Variants in SBSPON observed in about 807,000 individuals in gnomAD.
SBSPON encodes somatomedin B and thrombospondin type 1 domain containing, also known as somatomedin-B and thrombospondin type-1 domain-containing protein.
In SBSPON, 30 loss-of-function variants were observed where a neutral mutation model predicts 35.8. That is an observed-to-expected ratio of 0.84 (90% CI 0.63 to 1.14). The LOEUF is 1.14. Ranked by LOEUF, SBSPON falls within the 50% of genes most tolerant of loss-of-function variation. The pLI, the probability that SBSPON is intolerant of heterozygous loss-of-function variation, is 0.00. For missense variants in SBSPON, 364 were observed against 357.7 expected, an observed-to-expected ratio of 1.02 and a Z score of -0.14; for synonymous variants, 136 against 135.9, an observed-to-expected ratio of 1.00 and a Z score of 0.00.
intron 2 of SBSPON, among the ~76,000 whole-genome samples, chr8:73,080,599 G>A (rs1029304357): frequency 9.8e-5 from 15 of 152,288 alleles, no homozygotes; most frequent in African/African-American, 1.7e-4. Flanking sequence ...ATGCGTGAGT[G>A]TGCATAATGA....
intron 1 of SBSPON, among the ~76,000 whole-genome samples, chr8:73,086,504 T>C (rs558569008): frequency 6.6e-6 from 1 of 152,292 alleles, no homozygotes; most frequent in South Asian, 2.1e-4. Context: ...CCTCTTTCCG[T>C]AGAACCTTGT....
At position 73,081,192 on chromosome 8, in the gene SBSPON, T is replaced by A. The variant is rs1192578054; in HGVS notation, c.236A>T (p.Glu79Val). Reference protein sequence around the residue: ...ACPARPCFVGEWSPWSGCADQ... With the variant: ...ACPARPCFVGVWSPWSGCADQ... ...TGCACAACCACTCCAGGGGCTCCAT[T>A]CCCCCACGAAGCACGGGCGAGCTGA... Residue 79 changes from glutamate (E) to valine (V), a missense_variant, in exon 2 of 5, where the codon GAA becomes GTA. Coordinates refer to ENST00000297354, the MANE Select transcript of SBSPON (RefSeq NM_153225.4). 2 of 1,587,728 alleles carry A rather than the reference T, an allele frequency of 1.3e-6. No homozygotes were observed. The highest frequency in any genetic ancestry group is 4.6e-5 in the East Asian group (2 of 43,582).
intron 1 of SBSPON, chr8:73,083,730 T>A (rs769851520): frequency 2.0e-5 from 3 of 152,228 alleles, no homozygotes; most frequent in Admixed American, 1.3e-4. Context: ...CACCAGCTGT[T>A]AATGGAGCCG....
intron 1 of SBSPON, among the ~76,000 whole-genome samples, chr8:73,083,054 G>C (rs1810745589): frequency 6.6e-6 from 1 of 152,166 alleles, no homozygotes; most frequent in South Asian, 2.1e-4. Context: ...GATGACACTG[G>C]GGAGGGTTTT....
intron 1 of SBSPON, among the ~76,000 whole-genome samples, chr8:73,086,451 C>T (rs186399388): frequency 2.6e-5 from 4 of 152,252 alleles, no homozygotes; most frequent in Admixed American, 1.3e-4. Flanking sequence ...CATGAGCCAC[C>T]GTGCCCGGCC....
chr8:73,067,610 T>TATATATATATATAG (rs1412398585), intron 4 of SBSPON, 152 bp from the exon 5 acceptor site: 3 of 28,950 alleles, frequency 1.0e-4, no homozygotes, highest in East Asian at 2.3e-4. Flanking sequence ...TATATATAGT[T>TATATATATATATAG]TTTTTTTTTT....
chr8:73,080,455 C>T (rs1810674731), intron 2 of SBSPON, among the ~76,000 whole-genome samples: 1 of 152,128 alleles, frequency 6.6e-6, no homozygotes, highest in African/African-American at 2.4e-5. Context: ...GCAGAGCTTG[C>T]AGTGAGCCGA....
chr8:73,084,060 A>G (rs183462959), intron 1 of SBSPON, among the ~76,000 whole-genome samples: 2 of 152,374 alleles, frequency 1.3e-5, no homozygotes, highest in Admixed American at 1.3e-4. Context: ...GACAGAAGAG[A>G]GCACAGACAG....
At chr8:73,092,085 A>C (rs1416210538) in intron 1 of SBSPON, among the ~76,000 whole-genome samples, 1 of 152,224 alleles carries the variant, frequency 6.6e-6, no homozygotes, top group East Asian at 1.9e-4. Flanking sequence ...AATTCAATTA[A>C]ACCAGCTTTT....
intron 2 of SBSPON, among the ~76,000 whole-genome samples, chr8:73,075,906 T>A (rs1810585951): frequency 6.6e-6 from 1 of 152,198 alleles, no homozygotes; most frequent in Admixed American, 6.5e-5. Flanking sequence ...CTTTTTAAAT[T>A]TGTTTTTATA....
At position 73,066,168 on chromosome 8, in the gene SBSPON, TCTAAA is replaced by T. The variant is rs1432809745; in HGVS notation, c.*1168_*1172del. On this transcript the variant is annotated 3_prime_UTR_variant, in exon 5 of 5. Transcript: ENST00000297354. ...TAGTTTACATCTCAAGACTCAATTC[TCTAAA>T]CTAAATATCTTGAATTTAAAATTTA... is the stretch of plus-strand genomic sequence containing the variant. 6.6e-6 allele frequency: 1 copy of T among 152,168 alleles called. No individual in the cohort carries two copies. Among genetic ancestry groups the T allele is most frequent in the Non-Finnish European group, 1.5e-5 (1 of 68,028 alleles). The allele number at this position is 152,168 out of a possible 1,614,324, so 9.4% of individuals were successfully genotyped here.
chr8:73,079,582 T>C (rs186640248), intron 2 of SBSPON, among the ~76,000 whole-genome samples: 1 of 147,866 alleles, frequency 6.8e-6, no homozygotes, highest in South Asian at 2.1e-4. Flanking sequence ...CAGCCCCACA[T>C]ACCTCAGCCC....
At chr8:73,067,535 G>A (rs1190098828) in intron 4 of SBSPON, 77 bp from the exon 5 acceptor site, 25 of 854,196 alleles carry the variant, frequency 2.9e-5, no homozygotes, top group African/African-American at 2.0e-4. Flanking sequence ...ATTAAAACTC[G>A]GAGTTAAAAA....
intron 2 of SBSPON, among the ~76,000 whole-genome samples, chr8:73,079,090 C>T (rs975095422): frequency 3.9e-5 from 6 of 152,176 alleles, no homozygotes; most frequent in African/African-American, 1.4e-4. Flanking sequence ...ATTTTTTATA[C>T]ATGCAACTGT....
At chr8:73,079,815 C>G (rs773094083) in intron 2 of SBSPON, among the ~76,000 whole-genome samples, 4 of 152,184 alleles carry the variant, frequency 2.6e-5, no homozygotes, top group African/African-American at 4.8e-5. Flanking sequence ...ATCTACCTGA[C>G]AGCAGGCTCC....
intron 2 of SBSPON, among the ~76,000 whole-genome samples, chr8:73,076,491 A>G (rs1020203601): frequency 7.2e-5 from 11 of 152,068 alleles, no homozygotes; most frequent in African/African-American, 2.7e-4. Flanking sequence ...TACTAAAAAT[A>G]CAAAAATTAG....
intron 3 of SBSPON, 104 bp downstream of exon 3, chr8:73,071,676 C>G: frequency 1.5e-6 from 1 of 677,670 alleles, no homozygotes; most frequent in Non-Finnish European, 2.5e-6. Context: ...AGTCAAAGAG[C>G]AAGTAGAAAG....
chr8:73,081,119 C>G lies in SBSPON; in HGVS notation c.309G>C (p.Gln103His), dbSNP rs763768854. 6.2e-7 allele frequency: 1 copy of G among 1,613,552 alleles called. No individual in the cohort carries two copies. Among genetic ancestry groups the G allele is most frequent in the South Asian group, 1.1e-5 (1 of 90,916 alleles). ...AGGGCGCCCCGCCGTTCTGAGGCTC[C>G]TGCTGCACCGAGCGCCTCCGCACAC... ...TTRVRRRSVQ[Q>H]EPQNGGAPCP... Residue 103 changes from glutamine to histidine, a missense_variant, in exon 2 of 5, where the codon CAG becomes CAC. Physicochemically the swap from Gln to His is conservative, Grantham distance 24 (BLOSUM62 0). Coordinates refer to ENST00000297354, the MANE Select transcript of SBSPON (RefSeq NM_153225.4).
rs1810387653 is a variant in SBSPON at position 73,066,373 on chromosome 8, T to C, written c.*968A>G. The C allele has an allele frequency of 6.6e-6, 1 of 152,124 alleles. No individual in the cohort carries two copies. The highest frequency in any genetic ancestry group is 1.5e-5 in the Non-Finnish European group (1 of 68,016). 9.4% of individuals were successfully genotyped at this position (152,124 alleles called of 1,614,324 possible). A position where few individuals can be genotyped will look rare whatever the true frequency, so the allele number is the denominator to read the frequency against. ...CTCTAGGTCATTGATTTTCCAATCA[T>C]AAAATAAGGAGACTAACATTTCCTT... On this transcript the variant is annotated 3_prime_UTR_variant, in exon 5 of 5. Transcript: ENST00000297354.
Sources: gnomAD v4.1 joint callset for allele counts (sites outside exome capture counted in the v4.1 genomes callset) on GRCh38, gnomAD v4.1.1 for gene constraint, MANE v1.5 for transcripts, NCBI Gene and HGNC (gene_info 2026-07-23, HGNC 2026-07-21) for gene names.